The following PRKG1 variants were observed in gnomAD, a reference collection of about 807,000 sequenced individuals.
The protein encoded by PRKG1 is protein kinase cGMP-dependent 1, also known as cGMP-dependent protein kinase 1.
In PRKG1, 35 loss-of-function variants were observed where a neutral mutation model predicts 88.1. The observed-to-expected ratio is 0.40, with a 90% CI of 0.30 to 0.53. PRKG1 has a LOEUF of 0.53. Ranked by LOEUF, PRKG1 falls within the 20% of genes least tolerant of loss-of-function variation. PRKG1 has a pLI of 0.59. For synonymous variants in PRKG1, 303 were observed against 292.5 expected (o/e 1.04, Z -0.37); for missense variants, 540 against 839.8 (o/e 0.64, Z 4.41).
chr10:51,075,319 G>T (rs544417604), intron 1 of PRKG1, among the ~76,000 whole-genome samples: 1 of 152,152 alleles, frequency 6.6e-6, no homozygotes, highest in Non-Finnish European at 1.5e-5. Context: ...AATGAAATGC[G>T]TCTGATCACC....
intron 2 of PRKG1, among the ~76,000 whole-genome samples, chr10:51,332,248 G>C (rs1488827896): frequency 6.6e-6 from 1 of 152,102 alleles, no homozygotes; most frequent in African/African-American, 2.4e-5. Context: ...ATTATTTGTA[G>C]GTAGAATGAG....
At chr10:51,853,922 A>T (rs550989712) in intron 4 of PRKG1, among the ~76,000 whole-genome samples, 36 of 152,086 alleles carry the variant, frequency 2.4e-4, no homozygotes, top group African/African-American at 8.4e-4. Flanking sequence ...CTTTTTTCCA[A>T]GTGTTTTTTT....
At chr10:52,079,208 A>G (rs774877208) in intron 7 of PRKG1, among the ~76,000 whole-genome samples, 6 of 152,094 alleles carry the variant, frequency 3.9e-5, no homozygotes, top group Non-Finnish European at 7.4e-5. Flanking sequence ...TCTCCCATTC[A>G]TTCATTTATC....
chr10:51,129,413 C>G (rs1845510082), intron 1 of PRKG1, among the ~76,000 whole-genome samples: 1 of 151,622 alleles, frequency 6.6e-6, no homozygotes, highest in South Asian at 2.1e-4. Flanking sequence ...CCACCACACT[C>G]CAGCCTGTGC....
chr10:51,347,975 A>T (rs1001511738), intron 2 of PRKG1, among the ~76,000 whole-genome samples: 3 of 152,120 alleles, frequency 2.0e-5, no homozygotes, highest in Non-Finnish European at 4.4e-5. Flanking sequence ...AGGCAGGACA[A>T]TGGCGTGAAC....
At chr10:51,813,692 A>G (rs535638444) in intron 4 of PRKG1, among the ~76,000 whole-genome samples, 2 of 152,208 alleles carry the variant, frequency 1.3e-5, no homozygotes, top group South Asian at 4.1e-4. Context: ...TGGATACCCA[A>G]ATATTAGTCC....
chr10:52,203,008 G>A (rs1308297872), intron 9 of PRKG1, among the ~76,000 whole-genome samples: 2 of 151,844 alleles, frequency 1.3e-5, no homozygotes, highest in Admixed American at 6.6e-5. Flanking sequence ...TCACATCTCA[G>A]TTTTCTTCAG....
At chr10:51,768,613 G>A in intron 3 of PRKG1, among the ~76,000 whole-genome samples, 1 of 152,020 alleles carries the variant, frequency 6.6e-6, no homozygotes, top group Admixed American at 6.6e-5. Flanking sequence ...GATAAAATTT[G>A]TAAAGAAAAT....
rs191179806 is a variant in PRKG1 at position 51,207,508 on chromosome 10, T to A, written c.478+54178T>A. On this transcript the variant is annotated intron_variant, in intron 2 of 17. Coordinates refer to ENST00000373980, the MANE Select transcript of PRKG1 (RefSeq NM_006258.4). ...CGCTGGTGCCTGCCTTATTATTATT[T>A]TTTTTTAATTCTCTCGGGCTTGTGG... Among the ~76,000 whole-genome samples the A allele has an allele frequency of 6.0e-3, 904 of 151,316 alleles. 12 individuals are homozygous for A. The highest frequency in any genetic ancestry group is 0.02 in the African/African-American group (825 of 41,338).
At chr10:51,470,956 A>G (rs2132821771) in intron 3 of PRKG1, among the ~76,000 whole-genome samples, 1 of 152,004 alleles carries the variant, frequency 6.6e-6, no homozygotes, top group Non-Finnish European at 1.5e-5. Flanking sequence ...ATCTGATAGC[A>G]CCAGGAATAA....
At chr10:52,077,296 A>T (rs147646026) in intron 7 of PRKG1, among the ~76,000 whole-genome samples, 104 of 152,278 alleles carry the variant, frequency 6.8e-4, no homozygotes, top group African/African-American at 2.5e-3. Flanking sequence ...AACTTCAAAA[A>T]TATTTACAAT....
intron 3 of PRKG1, among the ~76,000 whole-genome samples, chr10:51,776,812 AAG>A (rs1333486485): frequency 6.6e-6 from 1 of 152,134 alleles, no homozygotes; most frequent in Non-Finnish European, 1.5e-5. Context: ...GTGACAGAGC[AAG>A]ACTCTGTCTC....
At chr10:51,620,300 G>T (rs1333782427) in intron 3 of PRKG1, among the ~76,000 whole-genome samples, 1 of 152,022 alleles carries the variant, frequency 6.6e-6, no homozygotes, top group Non-Finnish European at 1.5e-5. Flanking sequence ...ACCTAGAATG[G>T]CTTTGAAGAT....
intron 4 of PRKG1, among the ~76,000 whole-genome samples, chr10:51,887,396 C>T (rs1029272645): frequency 1.3e-5 from 2 of 152,164 alleles, no homozygotes; most frequent in African/African-American, 4.8e-5. Flanking sequence ...GATATCTTTT[C>T]AAGATCTGAA....
intron 7 of PRKG1, among the ~76,000 whole-genome samples, chr10:52,131,844 A>AAAAAAAAAAAAAAAAC (rs764532999): frequency 3.4e-5 from 4 of 117,174 alleles, no homozygotes; most frequent in Non-Finnish European, 5.9e-5. Context: ...AAAAAAAAAA[A>AAAAAAAAAAAAAAAAC]AAGAGGCCAG....
chr10:51,250,732 T>A (rs773880469), intron 2 of PRKG1, among the ~76,000 whole-genome samples: 2 of 151,792 alleles, frequency 1.3e-5, no homozygotes, highest in Non-Finnish European at 2.9e-5. Flanking sequence ...AATGAAGGGA[T>A]GAGAAATGCA....
At chr10:51,884,666 G>C (rs1354056366) in intron 4 of PRKG1, among the ~76,000 whole-genome samples, 2 of 152,158 alleles carry the variant, frequency 1.3e-5, no homozygotes, top group Non-Finnish European at 2.9e-5. Flanking sequence ...AAATGTCCAA[G>C]GTGGACTCAC....
intron 3 of PRKG1, among the ~76,000 whole-genome samples, chr10:51,575,846 A>T (rs1837872258): frequency 6.6e-6 from 1 of 151,900 alleles, no homozygotes; most frequent in East Asian, 1.9e-4. Context: ...TTTTAAAAAT[A>T]GATAGGTTGA....
intron 3 of PRKG1, among the ~76,000 whole-genome samples, chr10:51,528,427 CA>C (rs34889204): frequency 0.27 from 41,471 of 151,866 alleles, 6,838 homozygotes; most frequent in Non-Finnish European, 0.38. Context: ...CTTTTTTCCC[CA>C]AAGGAAGAAT....
Sources: gnomAD v4.1 joint callset for allele counts (sites outside exome capture counted in the v4.1 genomes callset) on GRCh38, gnomAD v4.1.1 for gene constraint, MANE v1.5 for transcripts, NCBI Gene and HGNC (gene_info 2026-07-23, HGNC 2026-07-21) for gene names.